IL1RAPL2: variants seen among roughly 807,000 people sequenced by gnomAD.
IL1RAPL2 encodes interleukin 1 receptor accessory protein like 2.
A neutral mutation model predicts 44.1 loss-of-function variants in IL1RAPL2; 3 were observed. The observed-to-expected ratio is 0.07, with a 90% CI of 0.03 to 0.18. IL1RAPL2 has a LOEUF of 0.18. Among genes scored for constraint, IL1RAPL2 ranks in the 10% least tolerant of loss-of-function variants. The pLI is 1.00. For missense variants in IL1RAPL2, 391 were observed against 496.4 expected, an observed-to-expected ratio of 0.79 and a Z score of 2.02; for synonymous variants, 181 against 178.8, an observed-to-expected ratio of 1.01 and a Z score of -0.10.
rs1267987068 is a variant in IL1RAPL2, at chrX:105,292,360, A to G, written c.697+24819A>G. 2.7e-5 allele frequency among the ~76,000 whole-genome samples: 3 copies of G among 112,434 alleles called. No homozygotes were observed. In the South Asian group the frequency reaches 1.1e-3, roughly 41 times the overall value. On this transcript the variant is annotated intron_variant, in intron 5 of 10. Transcript: ENST00000372582. The stretch of plus-strand genomic sequence containing the variant: ...TAATTGATATGATTTCAGATTCCAC[A>G]CTTCAGCTAATCCTTAAGAAACTGC...
rs568583124 is a variant in IL1RAPL2, at chrX:104,615,109, G to A, written c.-19-43786G>A. Among the ~76,000 whole-genome samples the A allele has an allele frequency of 9.8e-5, 11 of 111,770 alleles. No individual in the cohort carries two copies. In the East Asian group the frequency reaches 1.7e-3, roughly 17 times the overall value. On this transcript the variant is annotated intron_variant, in intron 1 of 10. Transcript: ENST00000372582. Reference sequence around the variant, plus strand: ...CTATGTACTCAAGTGTGTCTTTGTCGTAGTAGGTATCATTCTTTTGTTTCC... The same window carrying A: ...CTATGTACTCAAGTGTGTCTTTGTCATAGTAGGTATCATTCTTTTGTTTCC...
intron 2 of IL1RAPL2, among the ~76,000 whole-genome samples, chrX:104,884,427 G>T (rs764172426): frequency 8.9e-6 from 1 of 111,904 alleles, no homozygotes; most frequent in Non-Finnish European, 1.9e-5. Context: ...ACTGTTGCAG[G>T]TTCTTGGGCA....
At chrX:105,107,156 A>G (rs967076414) in intron 2 of IL1RAPL2, among the ~76,000 whole-genome samples, 2 of 112,381 alleles carry the variant, frequency 1.8e-5, no homozygotes, top group African/African-American at 6.5e-5. Flanking sequence ...GTAAAAGTTC[A>G]CTCCTTATCT....
chrX:105,019,589 G>C (rs1323750386), intron 2 of IL1RAPL2, among the ~76,000 whole-genome samples: 1 of 111,353 alleles, frequency 9.0e-6, no homozygotes, highest in African/African-American at 3.3e-5. Context: ...CTTATTGCTT[G>C]CTAAAAAATA....
chrX:105,484,661 G>A (rs2036253871), intron 6 of IL1RAPL2, among the ~76,000 whole-genome samples: 1 of 111,891 alleles, frequency 8.9e-6, no homozygotes, highest in African/African-American at 3.2e-5. Context: ...ATTCATGAGT[G>A]TCTTGCATTG....
intron 2 of IL1RAPL2, among the ~76,000 whole-genome samples, chrX:104,791,376 T>C (rs887625204): frequency 5.4e-5 from 6 of 111,348 alleles, no homozygotes; most frequent in Non-Finnish European, 7.5e-5. Flanking sequence ...GGCAAAGATG[T>C]CCTTGCATTA....
chrX:105,029,268 T>C (rs1350967724), intron 2 of IL1RAPL2, among the ~76,000 whole-genome samples: 2 of 107,297 alleles, frequency 1.9e-5, no homozygotes, highest in African/African-American at 3.4e-5. Flanking sequence ...ATTATTATTA[T>C]ACTTTAAGTT....
intron 2 of IL1RAPL2, among the ~76,000 whole-genome samples, chrX:104,821,121 C>A (rs1385705866): frequency 8.9e-6 from 1 of 112,031 alleles, no homozygotes; most frequent in Non-Finnish European, 1.9e-5. Context: ...TATATCTCTT[C>A]TGAAAACAAT....
intron 6 of IL1RAPL2, among the ~76,000 whole-genome samples, chrX:105,583,279 C>T (rs1431814029): frequency 9.2e-6 from 1 of 109,008 alleles, no homozygotes; most frequent in Non-Finnish European, 1.9e-5. Context: ...GGACTACTGG[C>T]GCGTGACATC....
intron 2 of IL1RAPL2, among the ~76,000 whole-genome samples, chrX:105,087,747 A>G (rs1017228020): frequency 8.9e-6 from 1 of 111,925 alleles, no homozygotes; most frequent in Non-Finnish European, 1.9e-5. Flanking sequence ...AGTTCCAGAG[A>G]CTTTCTTGCC....
At chrX:105,269,425 ATTAC>A (rs1158983515) in intron 5 of IL1RAPL2, among the ~76,000 whole-genome samples, 5 of 110,774 alleles carry the variant, frequency 4.5e-5, no homozygotes, top group African/African-American at 1.6e-4. Context: ...ATACATATAT[ATTAC>A]TTCACTCTCT....
intron 2 of IL1RAPL2, among the ~76,000 whole-genome samples, chrX:104,816,986 C>T (rs1041102951): frequency 8.9e-6 from 1 of 112,719 alleles, no homozygotes; most frequent in African/African-American, 3.2e-5. Context: ...AACGTATGTA[C>T]ATGGGATCCT....
At chrX:104,661,004 G>T (rs895235026) in intron 2 of IL1RAPL2, among the ~76,000 whole-genome samples, 11 of 110,313 alleles carry the variant, frequency 1.0e-4, no homozygotes, top group African/African-American at 3.0e-4. Context: ...TTAATGCACA[G>T]ATGTCATTAA....
intron 2 of IL1RAPL2, among the ~76,000 whole-genome samples, chrX:104,660,186 T>A (rs1224474989): frequency 9.0e-6 from 1 of 111,645 alleles, no homozygotes; most frequent in Non-Finnish European, 1.9e-5. Flanking sequence ...TTTTACCTAT[T>A]ATCTCTCCAG....
In IL1RAPL2 at chrX:105,315,602, G is replaced by T. The variant is rs867044311; in HGVS notation, c.697+48061G>T. On this transcript the variant is annotated intron_variant, in intron 5 of 10. Coordinates refer to ENST00000372582, the MANE Select transcript of IL1RAPL2 (RefSeq NM_017416.2). ...TGTATATATATATATATATATATAT[G>T]GTTTTATTAAGTATTAACTTACAAG... Among the ~76,000 whole-genome samples, 12 of 11,611 alleles carry T rather than the reference G, an allele frequency of 1.0e-3. No homozygotes were observed. In the East Asian group the frequency reaches 0.021, roughly 20 times the overall value. The allele number at this position is 11,611 out of a possible 115,157, so 10.1% of individuals were successfully genotyped here.
intron 2 of IL1RAPL2, among the ~76,000 whole-genome samples, chrX:104,916,424 C>A (rs1371334434): frequency 9.0e-6 from 1 of 111,539 alleles, no homozygotes; most frequent in Non-Finnish European, 1.9e-5. Flanking sequence ...GATTTTGTAT[C>A]CTGAGATTTG....
At chrX:105,155,266 T>C (rs1189899572) in intron 2 of IL1RAPL2, among the ~76,000 whole-genome samples, 1 of 111,228 alleles carries the variant, frequency 9.0e-6, no homozygotes, top group Non-Finnish European at 1.9e-5. Context: ...AGAAATAGAA[T>C]AGTTTGAAGT....
chrX:105,353,019 T>G, intron 5 of IL1RAPL2, among the ~76,000 whole-genome samples: 1 of 111,605 alleles, frequency 9.0e-6, no homozygotes, highest in East Asian at 2.8e-4. Flanking sequence ...GCCTATGTCC[T>G]GAATGGTATT....
intron 2 of IL1RAPL2, among the ~76,000 whole-genome samples, chrX:105,124,396 C>A (rs769732236): frequency 5.7e-4 from 63 of 110,740 alleles, no homozygotes; most frequent in Non-Finnish European, 9.9e-4. Context: ...CATCCATATA[C>A]CTCAGAGTAC....
Sources: gnomAD v4.1 joint callset for allele counts (sites outside exome capture counted in the v4.1 genomes callset) on GRCh38, gnomAD v4.1.1 for gene constraint, MANE v1.5 for transcripts, NCBI Gene and HGNC (gene_info 2026-07-23, HGNC 2026-07-21) for gene names.